Variants in ST6GALNAC4 observed in about 807,000 individuals in gnomAD.
The protein encoded by ST6GALNAC4 is ST6 N-acetylgalactosaminide alpha-2,6-sialyltransferase 4.
Under a neutral mutation model 30.4 loss-of-function variants are expected in ST6GALNAC4, and 24 were observed. The observed-to-expected ratio is 0.79, with a 90% CI of 0.57 to 1.11. The LOEUF is 1.11. Among genes scored for constraint, ST6GALNAC4 ranks in the 50% most tolerant of loss-of-function variants. The pLI, the probability that ST6GALNAC4 is intolerant of heterozygous loss-of-function variation, is 0.00. For synonymous variants in ST6GALNAC4, 156 were observed against 179.7 expected (o/e 0.87, Z 1.05); for missense variants, 365 against 430.1 (o/e 0.85, Z 1.34).
chr9:127,916,550 C>A, intron 1 of ST6GALNAC4, 56 bp from the exon 2 acceptor site: 1 of 1,104,758 alleles, frequency 9.1e-7, no homozygotes, highest in Admixed American at 1.8e-5. Context: ...GGGTTCTAAG[C>A]TATAGGGAAA....
chr9:127,910,152 G>T, intron 4 of ST6GALNAC4, 94 bp from the exon 5 acceptor site: 1 of 1,519,610 alleles, frequency 6.6e-7, no homozygotes, highest in East Asian at 2.4e-5. Context: ...CCAGCCCGGG[G>T]CTATGCACCT....
In ST6GALNAC4 at chr9:127,908,190, C is replaced by A; in HGVS notation, c.*202G>T. ...GGGAGTGGAGGGGGGAGACACGGCT[C>A]CCCCCTCCACTCCCCTTCAAGTCAT... is the stretch of plus-strand genomic sequence containing the variant. On this transcript the variant is annotated 3_prime_UTR_variant, in exon 6 of 6. Transcript: ENST00000335791. 2.2e-5 allele frequency: 5 copies of A among 228,158 alleles called. No individual in the cohort carries two copies. Among genetic ancestry groups the A allele is most frequent in the East Asian group, 7.3e-5 (1 of 13,640 alleles). 14.1% of individuals were successfully genotyped at this position (228,158 alleles called of 1,614,324 possible).
intron 5 of ST6GALNAC4, among the ~76,000 whole-genome samples, chr9:127,909,374 AGC>A: frequency 6.6e-6 from 1 of 151,056 alleles, no homozygotes. Flanking sequence ...GGGCAACAAG[AGC>A]AAAACTCCAT....
At chr9:127,909,230 C>A (rs997827928) in intron 5 of ST6GALNAC4, among the ~76,000 whole-genome samples, 3 of 151,826 alleles carry the variant, frequency 2.0e-5, no homozygotes, top group South Asian at 2.1e-4. Context: ...TCTACTAAAA[C>A]TACAAAAAAT....
intron 2 of ST6GALNAC4, chr9:127,916,206 C>T: frequency 1.5e-6 from 1 of 662,484 alleles, no homozygotes; most frequent in Non-Finnish European, 2.7e-6. Context: ...TAGCAAGGTA[C>T]TGACACTGCA....
At chr9:127,914,907 T>C in intron 2 of ST6GALNAC4, 66 bp from the exon 3 acceptor site, 1 of 1,374,650 alleles carries the variant, frequency 7.3e-7, no homozygotes, top group Non-Finnish European at 9.5e-7. Flanking sequence ...CCTTCAGCGC[T>C]GCACCTGGCC....
In ST6GALNAC4 at chr9:127,912,299, G is replaced by A. The variant is rs1831089423; in HGVS notation, c.580C>T (p.Gln194Ter). 3.7e-6 allele frequency: 6 copies of A among 1,613,064 alleles called. No individual in the cohort carries two copies. In the East Asian group the frequency reaches 1.1e-4, roughly 30 times the overall value. ...FTERMMAYCD[Q>*]IFQDETGKNR... ...TTGCCCGTCTCGTCCTGGAAGATCT[G>A]GTCGCAGTAGGCCATCATGCGCTCC... The change falls in exon 4 of 6, where the codon CAG becomes TAG. Residue 194 changes from glutamine to a stop codon, truncating the protein, a stop_gained. Coordinates refer to ENST00000335791, the MANE Select transcript of ST6GALNAC4 (RefSeq NM_175039.4). LOFTEE classifies it high-confidence loss of function.
Position 127,908,171 on chromosome 9 carries a change from G to A in ST6GALNAC4, c.*221C>T. On this transcript the variant is annotated 3_prime_UTR_variant, in exon 6 of 6. Transcript: ENST00000335791. ...AAATGCCGTGAATTACTCAGGGAGT[G>A]GAGGGGGGAGACACGGCTCCCCCCT... 2 of 200,880 alleles carry A rather than the reference G, an allele frequency of 1.0e-5. No individual in the cohort carries two copies. Among genetic ancestry groups the A allele is most frequent in the Non-Finnish European group, 2.0e-5 (2 of 99,628 alleles). The allele number at this position is 200,880 out of a possible 1,614,324, so 12.4% of individuals were successfully genotyped here.
chr9:127,912,011 C>T lies in ST6GALNAC4; in HGVS notation c.611+257G>A, dbSNP rs75443129. Among the ~76,000 whole-genome samples, 20,919 of 152,238 alleles carry T rather than the reference C, an allele frequency of 0.14. 1,804 individuals carry two copies. The highest frequency in any genetic ancestry group is 0.24 in the African/African-American group (9,912 of 41,522). ...AGAAGTGCTCCCTCATGCCCCTACACACTGGCTAGTGCTTCCCATCAGGTG... is the reference window on the plus strand; with the variant it reads ...AGAAGTGCTCCCTCATGCCCCTACATACTGGCTAGTGCTTCCCATCAGGTG... On this transcript the variant is annotated intron_variant, in intron 4 of 5. Transcript: ENST00000335791.
Position 127,908,154 on chromosome 9 carries a change from T to G in ST6GALNAC4, c.*238A>C, listed in dbSNP as rs528211955. On this transcript the variant is annotated 3_prime_UTR_variant, in exon 6 of 6. Transcript: ENST00000335791. ...AGGTGGGGTGAGCCCCCAAATGCCG[T>G]GAATTACTCAGGGAGTGGAGGGGGG... is the stretch of plus-strand genomic sequence containing the variant. 2.8e-4 allele frequency: 53 copies of G among 190,068 alleles called. No homozygotes were observed. In the East Asian group the frequency reaches 4.6e-3, roughly 17 times the overall value. The allele number at this position is 190,068 out of a possible 1,614,324, so 11.8% of individuals were successfully genotyped here.
Position 127,915,012 on chromosome 9 carries a change from G to A in ST6GALNAC4, c.13-171C>T, listed in dbSNP as rs1221618224. 6 of 522,344 alleles carry A rather than the reference G, an allele frequency of 1.1e-5. No individual in the cohort carries two copies. In the East Asian group the frequency reaches 1.4e-4, roughly 12 times the overall value. The allele number at this position is 522,344 out of a possible 1,614,324, so 32.4% of individuals were successfully genotyped here. On this transcript the variant is annotated intron_variant, in intron 2 of 5. Transcript: ENST00000335791. ...ACTGGGCCTTACCTGGGGATGCCAA[G>A]CTCTGGGCACATAAGGCCCCGGAGA...
At chr9:127,908,625 G>A in intron 5 of ST6GALNAC4, 44 bp from the exon 6 acceptor site, 1 of 1,464,606 alleles carries the variant, frequency 6.8e-7, no homozygotes, top group Non-Finnish European at 9.1e-7. Context: ...GAACCCACTC[G>A]CCTCCGGCCA....
Position 127,914,789 on chromosome 9 carries a change from A to G in ST6GALNAC4, c.65T>C (p.Ile22Thr). ...CAGGCCGGCCCAGCAGCACAGGAGG[A>G]TGTAGACGGCAGAGAAGACCACGGA... ...LCSVVFSAVY[I>T]LLCCWAGLPL... Residue 22 changes from isoleucine (I) to threonine (T), a missense_variant, in exon 3 of 6, where the codon ATC (isoleucine) becomes ACC (threonine). By Grantham distance (89) the Ile-to-Thr change is moderately conservative. Transcript: ENST00000335791. 1 of 1,595,036 alleles carries G rather than the reference A, an allele frequency of 6.3e-7. No homozygotes were observed. Among genetic ancestry groups the G allele is most frequent in the Non-Finnish European group, 8.5e-7 (1 of 1,169,998 alleles).
chr9:127,914,909 C>T, intron 2 of ST6GALNAC4, 68 bp from the exon 3 acceptor site: 2 of 1,363,978 alleles, frequency 1.5e-6, no homozygotes, highest in African/African-American at 3.0e-5. Flanking sequence ...TTCAGCGCTG[C>T]ACCTGGCCTC....
chr9:127,910,715 G>A (rs980445254), intron 4 of ST6GALNAC4, among the ~76,000 whole-genome samples: 6 of 152,150 alleles, frequency 3.9e-5, no homozygotes, highest in South Asian at 4.1e-4. Flanking sequence ...TCTACAGAGC[G>A]GGTATGAACT....
intron 5 of ST6GALNAC4, among the ~76,000 whole-genome samples, 174 bp from the exon 6 acceptor site, chr9:127,908,755 G>A (rs1831000908): frequency 6.6e-6 from 1 of 151,760 alleles, no homozygotes; most frequent in African/African-American, 2.4e-5. Flanking sequence ...GCCAGGGTTC[G>A]AGTCCTGGCT....
chr9:127,916,600 T>C, intron 1 of ST6GALNAC4, 106 bp from the exon 2 acceptor site: 1 of 659,372 alleles, frequency 1.5e-6, no homozygotes, highest in Non-Finnish European at 2.7e-6. Context: ...TGAAAGCACA[T>C]GGCACCCGGG....
rs745929985 is a variant in ST6GALNAC4, at chr9:127,912,630, G to C, written c.249C>G (p.Gly83=). 1 of 1,601,886 alleles carries C rather than the reference G, an allele frequency of 6.2e-7. No individual in the cohort carries two copies. Among genetic ancestry groups the C allele is most frequent in the Non-Finnish European group, 8.5e-7 (1 of 1,177,682 alleles). Residue 83 remains glycine (G), a synonymous_variant, in exon 4 of 6, where the codon GGC becomes GGG. Coordinates refer to ENST00000335791, the MANE Select transcript of ST6GALNAC4 (RefSeq NM_175039.4). Reference sequence around the variant, plus strand: ...CACCCAGGCCTGAGCCCAGCATTTGGCCGGAGCTGGACACCACGGCACAGC... The same window carrying C: ...CACCCAGGCCTGAGCCCAGCATTTGCCCGGAGCTGGACACCACGGCACAGC... ...CRSCAVVSSS[G]QMLGSGLGAE...
rs1830978791 is a variant in ST6GALNAC4, at chr9:127,908,326, T to C, written c.*66A>G. 1 of 1,427,660 alleles carries C rather than the reference T, an allele frequency of 7.0e-7. No homozygotes were observed. The highest frequency in any genetic ancestry group is 1.4e-5 in the African/African-American group (1 of 69,888). 88.4% of individuals were successfully genotyped at this position (1,427,660 alleles called of 1,614,324 possible). The stretch of plus-strand genomic sequence containing the variant: ...ATAAATTAAATGTTTTTGTGGAGTG[T>C]GATGGCTTGGGATGGGACATCCCGG... On this transcript the variant is annotated 3_prime_UTR_variant, in exon 6 of 6. Coordinates refer to ENST00000335791, the MANE Select transcript of ST6GALNAC4 (RefSeq NM_175039.4).
Sources: allele counts gnomAD v4.1 joint callset (sites outside exome capture counted in the v4.1 genomes callset), GRCh38; gene constraint gnomAD v4.1.1; transcripts MANE v1.5; gene names NCBI Gene and HGNC (gene_info 2026-07-23, HGNC 2026-07-21).